Variants in BRD10 observed in about 807,000 individuals in gnomAD.
BRD10 encodes bromodomain containing 10, also known as uncharacterized bromodomain-containing protein 10.
At chr9:5,980,601 T>C in the BRD10 span, among the ~76,000 whole-genome samples, 1 of 152,068 alleles carries the variant, frequency 6.6e-6, no homozygotes, top group Non-Finnish European at 1.5e-5. Flanking sequence ...ATTAGGTACA[T>C]TTAAAGATTG....
chr9:6,003,825 G>A, the BRD10 span, among the ~76,000 whole-genome samples: 1 of 152,012 alleles, frequency 6.6e-6, no homozygotes, highest in Non-Finnish European at 1.5e-5. Flanking sequence ...GCTGCTTTAA[G>A]CATCACAAAA....
the BRD10 span, among the ~76,000 whole-genome samples, chr9:6,005,610 C>T: frequency 2.0e-5 from 3 of 152,176 alleles, no homozygotes; most frequent in Admixed American, 2.0e-4. Flanking sequence ...CATTCTCTTG[C>T]CTCATTCTAA....
the BRD10 span, among the ~76,000 whole-genome samples, chr9:6,005,264 A>C: frequency 3.3e-5 from 5 of 151,854 alleles, no homozygotes; most frequent in Admixed American, 6.6e-5. Context: ...TAATCCCAGC[A>C]CTTTGGGAGG....
chr9:5,956,503 G>C, the BRD10 span, among the ~76,000 whole-genome samples: 359 of 152,198 alleles, frequency 2.4e-3, 2 homozygotes, highest in Middle Eastern at 0.014. Flanking sequence ...TCTTTGTGCA[G>C]TTTCTTCATC....
chr9:5,882,634 G>A, the BRD10 span, among the ~76,000 whole-genome samples: 1 of 152,124 alleles, frequency 6.6e-6, no homozygotes, highest in Non-Finnish European at 1.5e-5. Context: ...ATTGATCTTT[G>A]TAGCCCAAAA....
At chr9:6,004,232 T>C in the BRD10 span, among the ~76,000 whole-genome samples, 6 of 152,276 alleles carry the variant, frequency 3.9e-5, no homozygotes, top group African/African-American at 1.4e-4. Context: ...ATTCCTCTTG[T>C]ACTTTGTTCA....
chr9:5,954,225 G>A, the BRD10 span: 1 of 612,142 alleles, frequency 1.6e-6, no homozygotes, highest in Non-Finnish European at 2.9e-6. Flanking sequence ...AAATAAAAAT[G>A]ATGAATCAAA....
the BRD10 span, among the ~76,000 whole-genome samples, chr9:5,934,613 G>GC: frequency 6.6e-6 from 1 of 152,002 alleles, no homozygotes; most frequent in Non-Finnish European, 1.5e-5. Context: ...TGATCCACCT[G>GC]CCTTGGCCTC....
the BRD10 span, chr9:5,988,453 C>T: frequency 5.0e-6 from 8 of 1,613,904 alleles, no homozygotes; most frequent in South Asian, 2.2e-5. Context: ...TGTTGACCGA[C>T]GCCTTGTTGA....
chr9:5,886,598 G>A, the BRD10 span, among the ~76,000 whole-genome samples: 1 of 152,216 alleles, frequency 6.6e-6, no homozygotes, highest in Non-Finnish European at 1.5e-5. Flanking sequence ...GGACTCTAGA[G>A]CTCCTGCTGT....
At chr9:6,008,369 G>C in the BRD10 span, 52 of 948,390 alleles carry the variant, frequency 5.5e-5, no homozygotes, top group Non-Finnish European at 6.2e-5. Context: ...GGTGAGGGGG[G>C]AGAAAGGGGA....
At chr9:5,989,159 G>A in the BRD10 span, among the ~76,000 whole-genome samples, 2 of 149,578 alleles carry the variant, frequency 1.3e-5, no homozygotes, top group South Asian at 4.2e-4. Context: ...GAACCAGGAG[G>A]AGGCAGAGGT....
At chr9:5,918,392 C>G in the BRD10 span, among the ~76,000 whole-genome samples, 2 of 152,036 alleles carry the variant, frequency 1.3e-5, no homozygotes, top group South Asian at 2.1e-4. Flanking sequence ...TATAAAGATC[C>G]AATAAATATA....
chr9:5,908,895 A>G, the BRD10 span: 4 of 567,790 alleles, frequency 7.0e-6, no homozygotes, highest in Admixed American at 1.3e-4. Flanking sequence ...AAATGATGAG[A>G]AATATTAAAT....
At chr9:5,973,642 AT>A in the BRD10 span, among the ~76,000 whole-genome samples, 1 of 152,108 alleles carries the variant, frequency 6.6e-6, no homozygotes. Flanking sequence ...TAATCCCAGC[AT>A]TTTGGGAGGC....
At chr9:6,008,108 C>G in the BRD10 span, 967 of 984,298 alleles carry the variant, frequency 9.8e-4, 8 homozygotes, top group African/African-American at 0.016. Flanking sequence ...CTGCTCTTCA[C>G]CGGCCAGGCC....
the BRD10 span, among the ~76,000 whole-genome samples, chr9:5,977,637 G>C: frequency 6.6e-6 from 1 of 152,108 alleles, no homozygotes; most frequent in Non-Finnish European, 1.5e-5. Context: ...CACGAGGTCA[G>C]GAGATCGAGA....
chr9:5,937,863 C>G, the BRD10 span, among the ~76,000 whole-genome samples: 33 of 152,266 alleles, frequency 2.2e-4, 1 homozygote, highest in Admixed American at 1.8e-3. Context: ...AATGCATTCT[C>G]AAATAATTCA....
the BRD10 span, among the ~76,000 whole-genome samples, chr9:6,004,938 C>T: frequency 4.6e-5 from 7 of 152,064 alleles, no homozygotes; most frequent in South Asian, 2.1e-4. Flanking sequence ...ACATCAAATA[C>T]AAAAAAGCGA....
Sources: allele counts gnomAD v4.1 joint callset (sites outside exome capture counted in the v4.1 genomes callset), GRCh38; gene constraint gnomAD v4.1.1; transcripts MANE v1.5; gene names NCBI Gene and HGNC (gene_info 2026-07-23, HGNC 2026-07-21).